The following TTN variants were observed in gnomAD, a reference collection of about 807,000 sequenced individuals.
The protein encoded by TTN is titin, also known as connectin.
A neutral mutation model predicts 3,223.0 loss-of-function variants in TTN; 1,525 were observed. That is an observed-to-expected ratio of 0.47 (90% CI 0.45 to 0.49). TTN has a LOEUF of 0.49. TTN is among the 20% of genes least tolerant of loss of function. The probability of loss-of-function intolerance (pLI) is 0.00; values close to 1 mark genes in which losing one functional copy is unlikely to be tolerated. For missense variants in TTN, 40,786 were observed against 43,424.0 expected (o/e 0.94, Z 5.40); for synonymous variants, 14,094 against 15,161.0 (o/e 0.93, Z 5.17).
In TTN at chr2:178,795,080, T is replaced by C; in HGVS notation, c.1087A>G (p.Thr363Ala). 1 of 1,614,022 alleles carries C rather than the reference T, an allele frequency of 6.2e-7. No homozygotes were observed. Among genetic ancestry groups the C allele is most frequent in the Non-Finnish European group, 8.5e-7 (1 of 1,180,014 alleles). ...SSSEAEMRET[T>A]LTTSTQIRTE... is the part of the protein sequence containing the mutation. ...CTGATCTGAGTAGAGGTTGTCAGCG[T>C]TGTCTCTCTCATCTCAGCCTCAGAT... is the stretch of plus-strand genomic sequence containing the variant. Residue 363 changes from threonine (T) to alanine (A), a missense_variant, in exon 7 of 363, where the codon ACG becomes GCG. Thr to Ala is a moderately conservative substitution (Grantham distance 58). Coordinates refer to ENST00000589042, the MANE Select transcript of TTN (RefSeq NM_001267550.2).
Position 178,650,186 on chromosome 2 carries a change from TTCC to T in TTN, c.39792_39794del (p.Glu13265del). 6.3e-7 allele frequency: 1 copy of T among 1,588,900 alleles called. No individual in the cohort carries two copies. ...TACCTGCTGGAGGTGGAACCTCTGG[TTCC>T]TCCTCTTCTGCAACAGGAACTGGCT... On this transcript the variant is annotated inframe_deletion, in exon 210 of 363. Coordinates refer to ENST00000589042, the MANE Select transcript of TTN (RefSeq NM_001267550.2).
At chr2:178,670,187 A>G (rs773301562) in intron 157 of TTN, 31 bp downstream of exon 157, 45 of 1,367,576 alleles carry the variant, frequency 3.3e-5, no homozygotes, top group Admixed American at 1.2e-4. Context: ...AAAGGATTTT[A>G]TATTAATGAT....
rs745734347 is a variant in TTN at position 178,617,312 on chromosome 2, G to A, written c.47760+13C>T. ...CCACATTGAATATTCTTTTTTATAT[G>A]CAAATGACCTACCTTGTAAGTCAGT... On this transcript the variant is annotated intron_variant, in intron 254 of 362. Coordinates refer to ENST00000589042, the MANE Select transcript of TTN (RefSeq NM_001267550.2). The A allele has an allele frequency of 1.9e-6, 3 of 1,553,910 alleles. No individual in the cohort carries two copies. The African/African-American group carries it at 4.2e-5, about 22-fold the overall frequency.
Position 178,718,683 on chromosome 2 carries a change from G to A in TTN, c.24505+12C>T, listed in dbSNP as rs764092955. On this transcript the variant is annotated intron_variant, in intron 84 of 362. Transcript: ENST00000589042. ...ATTTTAAAAGATGTATATATTGGGGGAAAGAGCAAACCTTTCACAAAAAGA... is the reference window on the plus strand; with the variant it reads ...ATTTTAAAAGATGTATATATTGGGGAAAAGAGCAAACCTTTCACAAAAAGA... The A allele has an allele frequency of 2.5e-6, 4 of 1,611,616 alleles. No homozygotes were observed. The African/African-American group carries it at 5.3e-5, about 22-fold the overall frequency.
chr2:178,779,191 A>G (rs1469924446), intron 23 of TTN, 38 bp downstream of exon 23: 1 of 1,613,066 alleles, frequency 6.2e-7, no homozygotes, highest in Admixed American at 1.7e-5. Flanking sequence ...TTGTATCTTT[A>G]CTGTGGCAAG....
chr2:178,745,842 T>A (rs2083405923), intron 47 of TTN: 2 of 1,613,142 alleles, frequency 1.2e-6, no homozygotes, highest in Non-Finnish European at 1.7e-6. Flanking sequence ...CAGTCAGAAA[T>A]ACCTTTGATA....
chr2:178,609,098 G>T, intron 273 of TTN, 110 bp downstream of exon 273: 1 of 1,318,446 alleles, frequency 7.6e-7, no homozygotes, highest in Non-Finnish European at 1.0e-6. Context: ...TATGATTGAG[G>T]ATAACTTGCT....
At position 178,589,695 on chromosome 2, in the gene TTN, AT is replaced by A; in HGVS notation, c.62029del (p.Ile20677LeufsTer11). 6.2e-7 allele frequency: 1 copy of A among 1,613,508 alleles called. No homozygotes were observed. Among genetic ancestry groups the A allele is most frequent in the South Asian group, 1.1e-5 (1 of 91,068 alleles). ...GACAAATGTCTTTCCTTTATCTGCA[AT>A]GTGAAGGTTTTCAGGCTCACCTGGT... The part of the protein sequence containing the change: ...DRPGEPENLH[I>X]ADKGKTFVYL... On this transcript the variant is annotated frameshift_variant, in exon 304 of 363. Coordinates refer to ENST00000589042, the MANE Select transcript of TTN (RefSeq NM_001267550.2). LOFTEE classifies it high-confidence loss of function.
rs780478735 is a variant in TTN, at chr2:178,542,241, GGTGGAAGGGCCT to G, written c.97492+11_97492+22del. The G allele has an allele frequency of 2.8e-5, 44 of 1,587,796 alleles. No individual in the cohort carries two copies. ...ATTCAGAATCAGAGGTGGGGAGAGT[GGTGGAAGGGCCT>G]GTGGACTTACGGATGCTGCTGCGAC... On this transcript the variant is annotated intron_variant, in intron 349 of 362. Coordinates refer to ENST00000589042, the MANE Select transcript of TTN (RefSeq NM_001267550.2).
intron 171 of TTN, 32 bp downstream of exon 171, chr2:178,663,595 A>G (rs2065180445): frequency 3.7e-6 from 6 of 1,613,678 alleles, no homozygotes; most frequent in Non-Finnish European, 4.2e-6. Flanking sequence ...GAAGAGATAC[A>G]TCATCTGAAG....
intron 2 of TTN, among the ~76,000 whole-genome samples, chr2:178,803,768 T>C: frequency 6.6e-6 from 1 of 151,886 alleles, no homozygotes; most frequent in African/African-American, 2.4e-5. Flanking sequence ...GAGAAAATAT[T>C]GATTAATTTT....
chr2:178,535,565 G>C lies in TTN; in HGVS notation c.101050C>G (p.Leu33684Val), dbSNP rs775824162. 4 of 1,613,880 alleles carry C rather than the reference G, an allele frequency of 2.5e-6. No homozygotes were observed. Among genetic ancestry groups the C allele is most frequent in the Non-Finnish European group, 3.4e-6 (4 of 1,179,810 alleles). The change falls in exon 358 of 363, where the codon CTG (leucine) becomes GTG (valine). Residue 33684 changes from leucine (L) to valine (V), a missense_variant. By Grantham distance (32) the Leu-to-Val change is conservative (BLOSUM62 1). Transcript: ENST00000589042. ...GGGTCAGGAACATCAGCCACATCCA[G>C]TTCAACTGTCTTCTGATCAATTCCA... ...RFGIDQKTVE[L>V]DVADVPDPPR...
chr2:178,586,412 A>C, intron 308 of TTN, 93 bp downstream of exon 308: 18 of 1,465,970 alleles, frequency 1.2e-5, no homozygotes, highest in Non-Finnish European at 1.5e-5. Flanking sequence ...AAGAATTTCT[A>C]GAGCTAGATT....
intron 242 of TTN, among the ~76,000 whole-genome samples, chr2:178,623,033 C>T (rs2154213417): frequency 6.6e-6 from 1 of 151,952 alleles, no homozygotes; most frequent in East Asian, 2.0e-4. Flanking sequence ...ACTAGGGAGC[C>T]ATCTCAGTTC....
rs200854704 is a variant in TTN at position 178,550,217 on chromosome 2, C to T, written c.91621G>A (p.Gly30541Arg). ...EYFDGLIIKS[G>R]ESLRIKALVQ... ...AAAGCTTTAATTCTAAGGCTCTCTC[C>T]GGACTTAATAATGAGACCATCAAAG... is the stretch of plus-strand genomic sequence containing the variant. The change falls in exon 337 of 363, where the codon GGA becomes AGA. Residue 30541 changes from glycine (G) to arginine (R), a missense_variant. Transcript: ENST00000589042. The T allele has an allele frequency of 1.4e-4, 221 of 1,613,426 alleles. No homozygotes were observed. Among genetic ancestry groups the T allele is most frequent in the Non-Finnish European group, 1.7e-4 (199 of 1,179,668 alleles).
intron 47 of TTN, chr2:178,747,900 G>A (rs758014090): frequency 1.9e-6 from 3 of 1,613,176 alleles, no homozygotes; most frequent in Middle Eastern, 1.7e-4. Flanking sequence ...GTCATCAAGA[G>A]TGGGAAGCAC....
intron 96 of TTN, among the ~76,000 whole-genome samples, chr2:178,711,693 A>G (rs1436218447): frequency 6.6e-6 from 1 of 152,222 alleles, no homozygotes; most frequent in African/African-American, 2.4e-5. Flanking sequence ...ATTTAAAAAT[A>G]TATGGTCACT....
rs180961450 is a variant in TTN, at chr2:178,613,807, A to G, written c.49476T>C (p.Pro16492=). The G allele has an allele frequency of 2.7e-5, 43 of 1,612,656 alleles. No individual in the cohort carries two copies. The African/African-American group carries it at 3.3e-4, about 13-fold the overall frequency. ...TGCATCTAACCCATTTATCTGTATC[A>G]GGATCCAGTCTTTCAACCCAGTATC... is the stretch of plus-strand genomic sequence containing the variant. ...ITGYWVERLD[P]DTDKWVRCNK... Residue 16492 remains proline, a synonymous_variant, in exon 263 of 363, where the codon CCT becomes CCC. Transcript: ENST00000589042.
rs2154132609 is a variant in TTN at position 178,530,283 on chromosome 2, A to G, written c.106332T>C (p.Thr35444=). 1.2e-6 allele frequency: 2 copies of G among 1,612,336 alleles called. No homozygotes were observed. Among genetic ancestry groups the G allele is most frequent in the East Asian group, 2.2e-5 (1 of 44,862 alleles). Reference sequence around the variant, plus strand: ...AGATGGCAGTTGGCCGGGGTTCTCCAGTAGCCTTAACTGCAAATTTAGCAA... The same window carrying G: ...AGATGGCAGTTGGCCGGGGTTCTCCGGTAGCCTTAACTGCAAATTTAGCAA... ...DSVAKFAVKA[T]GEPRPTAIWT... is the part of the protein sequence containing the mutation. Residue 35444 remains threonine, a synonymous_variant, in exon 358 of 363, where the codon ACT becomes ACC. Transcript: ENST00000589042.
Sources: gnomAD v4.1 joint callset for allele counts (sites outside exome capture counted in the v4.1 genomes callset) on GRCh38, gnomAD v4.1.1 for gene constraint, MANE v1.5 for transcripts, NCBI Gene and HGNC (gene_info 2026-07-23, HGNC 2026-07-21) for gene names.